Variants in CDYL2 observed in about 807,000 individuals in gnomAD.
The protein encoded by CDYL2 is chromodomain Y like 2, also known as chromodomain Y-like protein 2.
CDYL2 carries 23 observed loss-of-function variants against 49.4 expected under a neutral mutation model. The observed-to-expected ratio is 0.47, with a 90% CI of 0.34 to 0.66. The LOEUF (loss-of-function observed/expected upper bound fraction) is 0.66, where lower values mean the gene tolerates loss of function less well. CDYL2 is among the 30% of genes least tolerant of loss of function. The probability of loss-of-function intolerance (pLI) is 0.01; values close to 1 mark genes in which losing one functional copy is unlikely to be tolerated. For synonymous variants in CDYL2, 360 were observed against 268.8 expected (o/e 1.34, Z -3.32); for missense variants, 678 against 656.4 (o/e 1.03, Z -0.36).
chr16:80,751,850 T>C (rs538791756), intron 1 of CDYL2, among the ~76,000 whole-genome samples: 2 of 152,246 alleles, frequency 1.3e-5, no homozygotes, highest in South Asian at 2.1e-4. Flanking sequence ...CCGTCTCTGA[T>C]TGAACTGAAA....
chr16:80,617,642 C>T (rs939215530), intron 4 of CDYL2, among the ~76,000 whole-genome samples: 14 of 152,120 alleles, frequency 9.2e-5, no homozygotes, highest in East Asian at 1.9e-4. Context: ...TGCTGATGGG[C>T]GAGCCACAGT....
chr16:80,644,469 T>C (rs367651551), intron 2 of CDYL2, among the ~76,000 whole-genome samples: 1 of 152,194 alleles, frequency 6.6e-6, no homozygotes, highest in East Asian at 1.9e-4. Flanking sequence ...ACTCTACTTG[T>C]ACCAATTTCA....
At chr16:80,614,085 C>T (rs189837271) in intron 4 of CDYL2, among the ~76,000 whole-genome samples, 9 of 152,356 alleles carry the variant, frequency 5.9e-5, no homozygotes, top group Admixed American at 3.3e-4. Flanking sequence ...CCTGGGGCAC[C>T]GCTTGGCTTC....
chr16:80,615,473 C>T (rs957904641), intron 4 of CDYL2, among the ~76,000 whole-genome samples: 2 of 152,226 alleles, frequency 1.3e-5, no homozygotes, highest in South Asian at 2.1e-4. Context: ...CCCTCCATAA[C>T]ATTCCAACGA....
chr16:80,748,599 G>A (rs1317417614), intron 1 of CDYL2, among the ~76,000 whole-genome samples: 2 of 145,370 alleles, frequency 1.4e-5, no homozygotes, highest in East Asian at 2.1e-4. Flanking sequence ...TTGCACAAAT[G>A]GAAGACAGGG....
At position 80,670,571 on chromosome 16, in the gene CDYL2, G is replaced by A. The variant is rs369860232; in HGVS notation, c.616+13967C>T. 2.8e-3 allele frequency among the ~76,000 whole-genome samples: 431 copies of A among 152,256 alleles called. 1 individual carries two copies. The highest frequency in any genetic ancestry group is 9.9e-3 in the African/African-American group (413 of 41,554). ...GAATGGACTAATACAAGCAGCTACTGTGGCTGACATGGAGAAGGGAGCGCT... is the reference window on the plus strand; with the variant it reads ...GAATGGACTAATACAAGCAGCTACTATGGCTGACATGGAGAAGGGAGCGCT... On this transcript the variant is annotated intron_variant, in intron 2 of 6. Transcript: ENST00000570137.
chr16:80,774,399 G>A (rs1233983866), intron 1 of CDYL2, among the ~76,000 whole-genome samples: 3 of 151,676 alleles, frequency 2.0e-5, no homozygotes, highest in Non-Finnish European at 4.4e-5. Context: ...AATGGGTGGG[G>A]GAGGATGGGG....
chr16:80,625,450 G>T (rs369961110), intron 3 of CDYL2, among the ~76,000 whole-genome samples: 1 of 152,138 alleles, frequency 6.6e-6, no homozygotes, highest in South Asian at 2.1e-4. Context: ...CTATTTTAAG[G>T]TCAGCTAACT....
chr16:80,611,012 C>A (rs572484113), intron 5 of CDYL2, among the ~76,000 whole-genome samples: 1 of 152,290 alleles, frequency 6.6e-6, no homozygotes, highest in Admixed American at 6.5e-5. Flanking sequence ...CTCACCAGGC[C>A]CCAGCCACAC....
At chr16:80,781,201 G>A (rs1351789813) in intron 1 of CDYL2, among the ~76,000 whole-genome samples, 1 of 152,158 alleles carries the variant, frequency 6.6e-6, no homozygotes, top group Admixed American at 6.5e-5. Flanking sequence ...GCTAGAAAAG[G>A]CCCTACATCC....
At chr16:80,735,557 G>T (rs897884388) in intron 1 of CDYL2, among the ~76,000 whole-genome samples, 2 of 152,126 alleles carry the variant, frequency 1.3e-5, no homozygotes, top group African/African-American at 2.4e-5. Flanking sequence ...ATACTATAAG[G>T]CTCCAGTGAT....
chr16:80,717,254 C>T (rs1904843235), intron 1 of CDYL2, among the ~76,000 whole-genome samples: 1 of 152,210 alleles, frequency 6.6e-6, no homozygotes, highest in Admixed American at 6.5e-5. Flanking sequence ...TTAGGCCCAG[C>T]AGCTTCACCT....
At position 80,604,194 on chromosome 16, in the gene CDYL2, C is replaced by T; in HGVS notation, c.*194G>A. ...AGGAAGGGCAGGGAGGTGGGGGAGG[C>T]CAAGTATGCTGCGTTTTCCATCCAT... is the stretch of plus-strand genomic sequence containing the variant. On this transcript the variant is annotated 3_prime_UTR_variant, in exon 7 of 7. Coordinates refer to ENST00000570137, the MANE Select transcript of CDYL2 (RefSeq NM_152342.4). 1 of 628,032 alleles carries T rather than the reference C, an allele frequency of 1.6e-6. No homozygotes were observed. Among genetic ancestry groups the T allele is most frequent in the Non-Finnish European group, 2.8e-6 (1 of 363,514 alleles). 38.9% of individuals were successfully genotyped at this position (628,032 alleles called of 1,614,324 possible).
Position 80,638,208 on chromosome 16 carries a change from G to A in CDYL2, c.617-4972C>T, listed in dbSNP as rs146109453. Among the ~76,000 whole-genome samples, 41 of 152,162 alleles carry A rather than the reference G, an allele frequency of 2.7e-4. No individual in the cohort carries two copies. The East Asian group carries it at 7.9e-3, about 29-fold the overall frequency. On this transcript the variant is annotated intron_variant, in intron 2 of 6. Transcript: ENST00000570137. The stretch of plus-strand genomic sequence containing the variant: ...TCCCTCCTTAGCCTCCCAAGTAGCT[G>A]GGACTACAGGCATGTGGTAACACAC...
intron 6 of CDYL2, among the ~76,000 whole-genome samples, chr16:80,604,754 G>A (rs536189563): frequency 6.6e-6 from 1 of 152,328 alleles, no homozygotes; most frequent in Non-Finnish European, 1.5e-5. Context: ...GTGAGGCCCT[G>A]GGATGGCTCA....
chr16:80,690,292 C>A (rs1910364346), intron 1 of CDYL2, among the ~76,000 whole-genome samples: 1 of 152,090 alleles, frequency 6.6e-6, no homozygotes, highest in African/African-American at 2.4e-5. Context: ...GCAAACTCAG[C>A]CTGTAGAGAT....
intron 1 of CDYL2, among the ~76,000 whole-genome samples, chr16:80,733,351 T>C (rs1239587030): frequency 1.3e-5 from 2 of 152,246 alleles, no homozygotes; most frequent in African/African-American, 4.8e-5. Context: ...TCATTTTATA[T>C]ATCTTGTAGA....
At chr16:80,685,562 G>A (rs1380423495) in intron 1 of CDYL2, among the ~76,000 whole-genome samples, 2 of 152,070 alleles carry the variant, frequency 1.3e-5, no homozygotes, top group Admixed American at 6.6e-5. Context: ...GCAATTATAT[G>A]GGAGGTACTA....
chr16:80,677,384 G>C (rs766742939), intron 2 of CDYL2, among the ~76,000 whole-genome samples: 1 of 152,172 alleles, frequency 6.6e-6, no homozygotes, highest in East Asian at 1.9e-4. Flanking sequence ...TTCAGATTGA[G>C]TGGCATGGAG....
Sources: allele counts gnomAD v4.1 joint callset (sites outside exome capture counted in the v4.1 genomes callset), GRCh38; gene constraint gnomAD v4.1.1; transcripts MANE v1.5; gene names NCBI Gene and HGNC (gene_info 2026-07-23, HGNC 2026-07-21).